The following KCNK12 variants were observed in gnomAD, a reference collection of about 807,000 sequenced individuals.
KCNK12 encodes potassium two pore domain channel subfamily K member 12.
Under a neutral mutation model 25.3 loss-of-function variants are expected in KCNK12, and 6 were observed. That is an observed-to-expected ratio of 0.24 (90% CI 0.13 to 0.47). The LOEUF (loss-of-function observed/expected upper bound fraction) is 0.47, where lower values mean the gene tolerates loss of function less well. KCNK12 is among the 20% of genes least tolerant of loss of function. KCNK12 has a pLI of 0.99. For missense variants in KCNK12, 444 were observed against 661.7 expected (o/e 0.67, Z 3.61); for synonymous variants, 331 against 311.1 (o/e 1.06, Z -0.67).
At chr2:47,530,431 C>T (rs537711497) in intron 1 of KCNK12, among the ~76,000 whole-genome samples, 9 of 152,090 alleles carry the variant, frequency 5.9e-5, no homozygotes, top group African/African-American at 1.4e-4. Flanking sequence ...GGAGGACAAC[C>T]GACCACCGTG....
chr2:47,535,834 G>C (rs1333229249), intron 1 of KCNK12, among the ~76,000 whole-genome samples: 1 of 152,132 alleles, frequency 6.6e-6, no homozygotes, highest in East Asian at 1.9e-4. Flanking sequence ...TGGCCAAAAC[G>C]CCTGCCCTGG....
intron 1 of KCNK12, among the ~76,000 whole-genome samples, chr2:47,546,346 T>C (rs965673784): frequency 2.6e-5 from 4 of 152,276 alleles, no homozygotes; most frequent in African/African-American, 9.6e-5. Flanking sequence ...TGTGTCAATA[T>C]GCATTTTCCC....
At position 47,528,966 on chromosome 2, in the gene KCNK12, A is replaced by C. The variant is rs1048625758; in HGVS notation, c.392-7158T>G. On this transcript the variant is annotated intron_variant, in intron 1 of 1. Coordinates refer to ENST00000327876, the MANE Select transcript of KCNK12 (RefSeq NM_022055.2). This position sits in a 1 kb window ranked among gnomAD's most constrained non-coding sequence, Gnocchi z 4.5. ...GAGGCACTATTACGCCCAAAAATGC[A>C]GGCAAGGAAATGGGCTGAGGGAGGG... 1 of 152,260 alleles carries C rather than the reference A, an allele frequency of 6.6e-6. No homozygotes were observed. Among genetic ancestry groups the C allele is most frequent in the African/African-American group, 2.4e-5 (1 of 41,442 alleles). The allele number at this position is 152,260 out of a possible 1,614,324, so 9.4% of individuals were successfully genotyped here. A position where few individuals can be genotyped will look rare whatever the true frequency, so the allele number is the denominator to read the frequency against.
Position 47,547,634 on chromosome 2 carries a change from GTCACCCA to G in KCNK12, c.391+22300_391+22306del, listed in dbSNP as rs1669341571. Among the ~76,000 whole-genome samples, 1 of 151,782 alleles carries G rather than the reference GTCACCCA, an allele frequency of 6.6e-6. No homozygotes were observed. Among genetic ancestry groups the G allele is most frequent in the Non-Finnish European group, 1.5e-5 (1 of 67,954 alleles). On this transcript the variant is annotated intron_variant, in intron 1 of 1. Coordinates refer to ENST00000327876, the MANE Select transcript of KCNK12 (RefSeq NM_022055.2). The surrounding 1 kb of genome is among the most constrained non-coding windows in gnomAD (Gnocchi z 5.0). ...TACTTTTGAGATGGAGTCTCATTCT[GTCACCCA>G]GGCTGGAGTGCAGTACCATGATCTT...
In KCNK12 at chr2:47,533,592, C is replaced by T. The variant is rs1392137929; in HGVS notation, c.392-11784G>A. 2.6e-5 allele frequency among the ~76,000 whole-genome samples: 4 copies of T among 152,236 alleles called. No individual in the cohort carries two copies. Among genetic ancestry groups the T allele is most frequent in the Admixed American group, 6.5e-5 (1 of 15,294 alleles). Reference sequence around the variant, plus strand: ...CCATTGGCTCGCCGTTCTCCTACCTCGCTGGGCCTCCATCTCCCCACCTCT... The same window carrying T: ...CCATTGGCTCGCCGTTCTCCTACCTTGCTGGGCCTCCATCTCCCCACCTCT... On this transcript the variant is annotated intron_variant, in intron 1 of 1. Transcript: ENST00000327876. This position sits in a 1 kb window ranked among gnomAD's most constrained non-coding sequence, Gnocchi z 4.7.
Position 47,515,624 on chromosome 2 carries a change from G to C in KCNK12, c.*5283C>G, listed in dbSNP as rs1010364968. On this transcript the variant is annotated 3_prime_UTR_variant, in exon 2 of 2. Transcript: ENST00000327876. Reference sequence around the variant, plus strand: ...TCTGAGTGGTCATGCTCAACAGGGTGGGGAGCCCAGGGGAGTGGGGAGTGA... The same window carrying C: ...TCTGAGTGGTCATGCTCAACAGGGTCGGGAGCCCAGGGGAGTGGGGAGTGA... Among the ~76,000 whole-genome samples, 1 of 152,156 alleles carries C rather than the reference G, an allele frequency of 6.6e-6. No homozygotes were observed. The highest frequency in any genetic ancestry group is 2.4e-5 in the African/African-American group (1 of 41,414).
At position 47,522,555 on chromosome 2, in the gene KCNK12, A is replaced by G. The variant is rs564406268; in HGVS notation, c.392-747T>C. On this transcript the variant is annotated intron_variant, in intron 1 of 1. Coordinates refer to ENST00000327876, the MANE Select transcript of KCNK12 (RefSeq NM_022055.2). ...CAGTGGTACAATCATAGCTCACTGC[A>G]GCTTTAAACTCCTGGGCTCAAGTGA... 5.9e-5 allele frequency among the ~76,000 whole-genome samples: 9 copies of G among 152,324 alleles called. No homozygotes were observed. The East Asian group carries it at 9.6e-4, about 16-fold the overall frequency.
At chr2:47,549,387 C>T (rs1669378216) in intron 1 of KCNK12, among the ~76,000 whole-genome samples, 2 of 152,024 alleles carry the variant, frequency 1.3e-5, no homozygotes, top group Admixed American at 1.3e-4. Flanking sequence ...AATCAAGCAT[C>T]AACAATGTAA....
chr2:47,535,904 C>T (rs775199572), intron 1 of KCNK12, among the ~76,000 whole-genome samples: 1 of 152,150 alleles, frequency 6.6e-6, no homozygotes, highest in Non-Finnish European at 1.5e-5. Context: ...AGCTGAGGTT[C>T]AGAGACGTTA....
rs184022619 is a variant in KCNK12 at position 47,541,604 on chromosome 2, G to A, written c.392-19796C>T. ...CACTCCAGTACCTCAGAATGTTACTGCATTGGTAGAAAGGCTTTTTAAAAA... is the reference window on the plus strand; with the variant it reads ...CACTCCAGTACCTCAGAATGTTACTACATTGGTAGAAAGGCTTTTTAAAAA... On this transcript the variant is annotated intron_variant, in intron 1 of 1. Coordinates refer to ENST00000327876, the MANE Select transcript of KCNK12 (RefSeq NM_022055.2). Among the ~76,000 whole-genome samples, 1,172 of 152,216 alleles carry A rather than the reference G, an allele frequency of 7.7e-3. 4 individuals are homozygous for A. The highest frequency in any genetic ancestry group is 0.012 in the Non-Finnish European group (798 of 68,018).
chr2:47,566,689 CT>C lies in KCNK12; in HGVS notation c.391+3251del, dbSNP rs1224607187. ...GACCAATAGACCAGCAGACCAGTCC[CT>C]GCCCTGGTTACACACACATACACTC... On this transcript the variant is annotated intron_variant, in intron 1 of 1. Transcript: ENST00000327876. The surrounding 1 kb of genome is among the most constrained non-coding windows in gnomAD (Gnocchi z 4.1). 3 of 152,186 alleles carry C rather than the reference CT, an allele frequency of 2.0e-5. No homozygotes were observed. The highest frequency in any genetic ancestry group is 2.0e-4 in the Admixed American group (3 of 15,290). The allele number at this position is 152,186 out of a possible 1,614,324, so 9.4% of individuals were successfully genotyped here. A position where few individuals can be genotyped will look rare whatever the true frequency, so the allele number is the denominator to read the frequency against.
chr2:47,561,814 G>A lies in KCNK12; in HGVS notation c.391+8127C>T, dbSNP rs184375986. Among the ~76,000 whole-genome samples, 509 of 152,316 alleles carry A rather than the reference G, an allele frequency of 3.3e-3. 3 individuals are homozygous for A. The highest frequency in any genetic ancestry group is 0.011 in the African/African-American group (473 of 41,570). Reference sequence around the variant, plus strand: ...TTTGAATACTTAAGAATTAGGACGTGAATCCAGGCAAGCAGGCTGGCTGCA... The same window carrying A: ...TTTGAATACTTAAGAATTAGGACGTAAATCCAGGCAAGCAGGCTGGCTGCA... On this transcript the variant is annotated intron_variant, in intron 1 of 1. Transcript: ENST00000327876.
intron 1 of KCNK12, among the ~76,000 whole-genome samples, chr2:47,536,109 C>T (rs139077073): frequency 6.4e-4 from 97 of 152,288 alleles, no homozygotes; most frequent in African/African-American, 2.3e-3. Flanking sequence ...TGCACTGTCC[C>T]AGTTGGTGGT....
chr2:47,553,655 T>C (rs1669487960), intron 1 of KCNK12, among the ~76,000 whole-genome samples: 1 of 152,238 alleles, frequency 6.6e-6, no homozygotes, highest in Non-Finnish European at 1.5e-5. Context: ...AATCTTCTTC[T>C]AAAATAGTCA....
rs1383087440 is a variant in KCNK12 at position 47,514,428 on chromosome 2, G to A, written c.*6479C>T. Among the ~76,000 whole-genome samples, 2 of 152,160 alleles carry A rather than the reference G, an allele frequency of 1.3e-5. No individual in the cohort carries two copies. Among genetic ancestry groups the A allele is most frequent in the South Asian group, 2.1e-4 (1 of 4,838 alleles). On this transcript the variant is annotated 3_prime_UTR_variant, in exon 2 of 2. Coordinates refer to ENST00000327876, the MANE Select transcript of KCNK12 (RefSeq NM_022055.2). The surrounding 1 kb of genome is among the most constrained non-coding windows in gnomAD (Gnocchi z 5.0). ...CCTTGTCTCTCCAGCCCCTAACACA[G>A]GGGATGCCTGACCCCAAACTAGACG...
intron 1 of KCNK12, chr2:47,534,935 T>G (rs1462828982): frequency 4.5e-6 from 1 of 220,486 alleles, no homozygotes; most frequent in Non-Finnish European, 9.1e-6. Context: ...CTCAAGTGGA[T>G]AGTTCCAAGC....
In KCNK12 at chr2:47,538,922, T is replaced by C. The variant is rs1669134729; in HGVS notation, c.392-17114A>G. On this transcript the variant is annotated intron_variant, in intron 1 of 1. Coordinates refer to ENST00000327876, the MANE Select transcript of KCNK12 (RefSeq NM_022055.2). The surrounding 1 kb of genome is among the most constrained non-coding windows in gnomAD (Gnocchi z 4.5). ...AGTTTTACAAAAAGAAAAAGAAATA[T>C]AATATTCAAGTAGATTTCAAGCAAC... 6.6e-6 allele frequency among the ~76,000 whole-genome samples: 1 copy of C among 152,206 alleles called. No individual in the cohort carries two copies. The highest frequency in any genetic ancestry group is 1.5e-5 in the Non-Finnish European group (1 of 68,040).
At chr2:47,564,709 A>C (rs1669756811) in intron 1 of KCNK12, 1 of 174,834 alleles carries the variant, frequency 5.7e-6, no homozygotes, top group African/African-American at 2.4e-5. Context: ...TCATATAATA[A>C]ATATTGTTTA....
Position 47,570,223 on chromosome 2 carries a change from C to T in KCNK12, c.109G>A (p.Gly37Ser), listed in dbSNP as rs1415201552. The part of the protein sequence containing the change: ...CRRSHLNEDT[G>S]RFVLLAALIG... ...AGCGCCGCCAGCAGCACGAAGCGGC[C>T]GGTGTCCTCGTTGAGGTGCGAACGG... The change falls in exon 1 of 2, where the codon GGC becomes AGC. Residue 37 changes from glycine to serine, a missense_variant. By Grantham distance (56) the Gly-to-Ser change is moderately conservative. Transcript: ENST00000327876. The T allele has an allele frequency of 1.3e-6, 2 of 1,484,680 alleles. No individual in the cohort carries two copies. The highest frequency in any genetic ancestry group is 8.9e-7 in the Non-Finnish European group (1 of 1,120,468). The allele number at this position is 1,484,680 out of a possible 1,614,324, so 92.0% of individuals were successfully genotyped here.
Sources: gnomAD v4.1 joint callset for allele counts (sites outside exome capture counted in the v4.1 genomes callset) on GRCh38, gnomAD v4.1.1 for gene constraint, Gnocchi (gnomAD v3.1) non-coding constraint, MANE v1.5 for transcripts, NCBI Gene and HGNC (gene_info 2026-07-23, HGNC 2026-07-21) for gene names.